Variants in LOXHD1 observed in about 807,000 individuals in gnomAD.
The protein encoded by LOXHD1 is lipoxygenase homology domain-containing protein 1.
Under a neutral mutation model 248.2 loss-of-function variants are expected in LOXHD1, and 205 were observed. The ratio of observed to expected loss-of-function variants is 0.83; its 90% CI spans 0.74 to 0.93. The LOEUF (loss-of-function observed/expected upper bound fraction) is 0.93. LOXHD1 is among the 40% of genes least tolerant of loss of function. The pLI is 0.00. For missense variants in LOXHD1, 2,930 were observed against 2,971.6 expected (o/e 0.99, Z 0.33); for synonymous variants, 1,113 against 1,162.8 (o/e 0.96, Z 0.87).
chr18:46,547,387 T>C (rs1223490873), intron 21 of LOXHD1, among the ~76,000 whole-genome samples: 1 of 152,204 alleles, frequency 6.6e-6, no homozygotes, highest in South Asian at 2.1e-4. Flanking sequence ...TTCCAACCCT[T>C]TCCAGAATGA....
chr18:46,647,385 T>C (rs956109888), intron 2 of LOXHD1, among the ~76,000 whole-genome samples: 2 of 152,024 alleles, frequency 1.3e-5, no homozygotes, highest in African/African-American at 2.4e-5. Flanking sequence ...AGGGGAAGAA[T>C]CTGAGGATGC....
intron 39 of LOXHD1, 23 bp downstream of exon 39, chr18:46,484,996 T>A: frequency 6.5e-7 from 1 of 1,534,434 alleles, no homozygotes; most frequent in East Asian, 2.5e-5. Flanking sequence ...CCCCACCACT[T>A]CCCATGGGCC....
chr18:46,516,493 C>A (rs558796728), intron 34 of LOXHD1, among the ~76,000 whole-genome samples: 1 of 152,286 alleles, frequency 6.6e-6, no homozygotes, highest in Non-Finnish European at 1.5e-5. Context: ...GGGCAAAGCT[C>A]CAGCTTGCAC....
At position 46,521,102 on chromosome 18, in the gene LOXHD1, C is replaced by T; in HGVS notation, c.5266G>A (p.Val1756Met). ...ACTCACAGTGCCCCCCCTACCTTCA[C>T]CCCAATGTTCACCACCATGGCATCC... Reference protein sequence around the residue: ...LLDAMVVNIGVKVLYEMTVWT... With the variant: ...LLDAMVVNIGMKVLYEMTVWT... Residue 1756 changes from valine to methionine, a missense_variant, in exon 33 of 41, where the codon GTG (valine) becomes ATG (methionine). Val to Met is a conservative substitution (Grantham distance 21). Coordinates refer to ENST00000642948, the MANE Select transcript of LOXHD1 (RefSeq NM_001384474.1). 1 of 1,551,660 alleles carries T rather than the reference C, an allele frequency of 6.4e-7. No individual in the cohort carries two copies. The highest frequency in any genetic ancestry group is 8.7e-7 in the Non-Finnish European group (1 of 1,146,922).
At chr18:46,496,228 AAT>A (rs2033859556) in intron 37 of LOXHD1, among the ~76,000 whole-genome samples, 1 of 152,242 alleles carries the variant, frequency 6.6e-6, no homozygotes, top group Non-Finnish European at 1.5e-5. Context: ...ACTAATTCAT[AAT>A]TCTTGAACTT....
chr18:46,642,172 C>T (rs2038971387), intron 2 of LOXHD1, 136 bp from the exon 3 acceptor site: 2 of 792,750 alleles, frequency 2.5e-6, no homozygotes, highest in Non-Finnish European at 4.2e-6. Flanking sequence ...GATCCCATTC[C>T]AAGATTCCCT....
chr18:46,597,542 GCGCACACACACA>G (rs1315674759), intron 8 of LOXHD1, among the ~76,000 whole-genome samples: 51 of 61,012 alleles, frequency 8.4e-4, no homozygotes, highest in African/African-American at 2.7e-4. Context: ...AGTGGTACAT[GCGCACACACACA>G]CACACACACA....
intron 4 of LOXHD1, among the ~76,000 whole-genome samples, chr18:46,621,240 G>T (rs992630286): frequency 6.6e-6 from 1 of 152,178 alleles, no homozygotes; most frequent in Non-Finnish European, 1.5e-5. Context: ...ACATTGAGAA[G>T]GAGACAAGAG....
chr18:46,480,253 C>T (rs183693665), intron 40 of LOXHD1, among the ~76,000 whole-genome samples: 74 of 152,248 alleles, frequency 4.9e-4, no homozygotes, highest in African/African-American at 1.7e-3. Context: ...TTCTCCTTCT[C>T]ACTTCAGCAT....
intron 37 of LOXHD1, among the ~76,000 whole-genome samples, chr18:46,504,158 G>A (rs1598864108): frequency 6.6e-6 from 1 of 151,992 alleles, no homozygotes; most frequent in Non-Finnish European, 1.5e-5. Context: ...CTGTTACCCA[G>A]GCTGGAGTGC....
intron 8 of LOXHD1, 119 bp downstream of exon 8, chr18:46,601,098 A>G: frequency 1.5e-6 from 2 of 1,318,666 alleles, no homozygotes; most frequent in Non-Finnish European, 2.0e-6. Flanking sequence ...AATGAAAGAG[A>G]TTGCCCATGC....
intron 15 of LOXHD1, 134 bp downstream of exon 15, chr18:46,571,952 G>GCCTCCCTCT (rs2037760034): frequency 2.7e-6 from 2 of 744,196 alleles, no homozygotes; most frequent in Non-Finnish European, 4.5e-6. Context: ...CTCCCTCGGA[G>GCCTCCCTCT]CCTCCCTCTC....
intron 37 of LOXHD1, among the ~76,000 whole-genome samples, chr18:46,499,557 T>A (rs2034094628): frequency 6.6e-6 from 1 of 152,318 alleles, no homozygotes; most frequent in African/African-American, 2.4e-5. Context: ...ATTCTTTGGA[T>A]GTGTCAGAAT....
chr18:46,543,783 A>G (rs968350576), intron 23 of LOXHD1, among the ~76,000 whole-genome samples: 3 of 152,196 alleles, frequency 2.0e-5, no homozygotes, highest in Admixed American at 6.5e-5. Context: ...CTCTAAGTCA[A>G]TGCTGCACCA....
chr18:46,630,539 A>G (rs2038806656), intron 4 of LOXHD1, among the ~76,000 whole-genome samples: 1 of 152,180 alleles, frequency 6.6e-6, no homozygotes. Context: ...CTACCTGGAG[A>G]GCACACGCCA....
chr18:46,538,484 A>G, intron 25 of LOXHD1, 147 bp from the exon 26 acceptor site: 1 of 827,224 alleles, frequency 1.2e-6, no homozygotes, highest in Non-Finnish European at 1.9e-6. Flanking sequence ...AGGGACCTGG[A>G]CCTTCACAAG....
chr18:46,568,224 T>A (rs2037682309), intron 16 of LOXHD1, among the ~76,000 whole-genome samples: 1 of 151,976 alleles, frequency 6.6e-6, no homozygotes, highest in Non-Finnish European at 1.5e-5. Context: ...CTTGTTACCA[T>A]CTCCATTTCC....
Position 46,555,972 on chromosome 18 carries a change from C to T in LOXHD1, c.3350+1384G>A, listed in dbSNP as rs192219532. Among the ~76,000 whole-genome samples the T allele has an allele frequency of 1.6e-4, 24 of 152,144 alleles. No individual in the cohort carries two copies. In the East Asian group the frequency reaches 4.5e-3, roughly 28 times the overall value. Reference sequence around the variant, plus strand: ...GGCCCAATCGGGCCTACCCTGCTTGCGGACATCCATAAGCTATGCATGGAT... The same window carrying T: ...GGCCCAATCGGGCCTACCCTGCTTGTGGACATCCATAAGCTATGCATGGAT... On this transcript the variant is annotated intron_variant, in intron 21 of 40. Transcript: ENST00000642948.
At chr18:46,625,319 T>C (rs1445927807) in intron 4 of LOXHD1, among the ~76,000 whole-genome samples, 1 of 152,204 alleles carries the variant, frequency 6.6e-6, no homozygotes, top group Non-Finnish European at 1.5e-5. Context: ...AGCCTTGTTA[T>C]GCACCAACAT....
Sources: gnomAD v4.1 joint callset for allele counts (sites outside exome capture counted in the v4.1 genomes callset) on GRCh38, gnomAD v4.1.1 for gene constraint, MANE v1.5 for transcripts, NCBI Gene and HGNC (gene_info 2026-07-23, HGNC 2026-07-21) for gene names.